Variants in PDE11A observed in about 807,000 individuals in gnomAD.
PDE11A encodes the protein phosphodiesterase 11A.
In PDE11A, 100 loss-of-function variants were observed where a neutral mutation model predicts 100.5. The ratio of observed to expected loss-of-function variants is 1.00; its 90% CI spans 0.85 to 1.18. The LOEUF (loss-of-function observed/expected upper bound fraction) is 1.18, where lower values mean the gene tolerates loss of function less well. PDE11A is among the 50% of genes most tolerant of loss of function. The pLI, the probability that PDE11A is intolerant of heterozygous loss-of-function variation, is 0.00. For synonymous variants in PDE11A, 381 were observed against 420.8 expected (o/e 0.91, Z 1.16); for missense variants, 1,141 against 1,152.6 (o/e 0.99, Z 0.15).
chr2:177,848,908 C>T (rs895607817), intron 5 of PDE11A, among the ~76,000 whole-genome samples: 3 of 152,140 alleles, frequency 2.0e-5, no homozygotes, highest in Admixed American at 1.3e-4. Context: ...TTCAGCATTA[C>T]TTTTCCAAAA....
chr2:177,692,689 C>G (rs906895499), intron 15 of PDE11A, among the ~76,000 whole-genome samples: 1 of 152,210 alleles, frequency 6.6e-6, no homozygotes, highest in Non-Finnish European at 1.5e-5. Context: ...CATTAACCCC[C>G]AGGCTCAGGT....
At chr2:177,703,993 A>G (rs1228853946) in intron 13 of PDE11A, among the ~76,000 whole-genome samples, 3 of 152,124 alleles carry the variant, frequency 2.0e-5, no homozygotes, top group African/African-American at 7.2e-5. Flanking sequence ...TTGTAATTCC[A>G]TCTTACTTTC....
Position 177,877,252 on chromosome 2 carries a change from C to T in PDE11A, c.1303-1329G>A, listed in dbSNP as rs773059148. 2.1e-5 allele frequency among the ~76,000 whole-genome samples: 3 copies of T among 145,568 alleles called. 1 individual carries two copies. The highest frequency in any genetic ancestry group is 4.5e-5 in the Non-Finnish European group (3 of 66,600). On this transcript the variant is annotated intron_variant, in intron 4 of 19. Coordinates refer to ENST00000286063, the MANE Select transcript of PDE11A (RefSeq NM_016953.4). ...CAATCTCGGCTCATTGCAGCCTCCG[C>T]CTCCCGGGTTCAAGTAATTCTCCCA...
intron 4 of PDE11A, among the ~76,000 whole-genome samples, chr2:177,884,932 T>C (rs1333589527): frequency 2.0e-5 from 3 of 152,186 alleles, no homozygotes; most frequent in African/African-American, 7.2e-5. Flanking sequence ...CTACAGTTTT[T>C]AGCTTGAGTT....
At chr2:177,655,889 C>A (rs1322658090) in intron 19 of PDE11A, among the ~76,000 whole-genome samples, 1 of 152,196 alleles carries the variant, frequency 6.6e-6, no homozygotes, top group Admixed American at 6.5e-5. Context: ...TGAAATCTAT[C>A]TGTGACATAT....
chr2:177,682,943 T>C (rs1379735810), intron 15 of PDE11A, among the ~76,000 whole-genome samples: 1 of 120,746 alleles, frequency 8.3e-6, no homozygotes, highest in African/African-American at 3.6e-5. Context: ...ATCAGACATA[T>C]TTGGAAAATA....
intron 1 of PDE11A, among the ~76,000 whole-genome samples, chr2:178,105,423 C>T (rs2087606670): frequency 6.6e-6 from 1 of 152,168 alleles, no homozygotes; most frequent in South Asian, 2.1e-4. Context: ...TGCGCCACTG[C>T]ACTCCAGCCT....
At chr2:177,867,467 C>T (rs1174305080) in intron 5 of PDE11A, among the ~76,000 whole-genome samples, 3 of 152,082 alleles carry the variant, frequency 2.0e-5, no homozygotes, top group Non-Finnish European at 4.4e-5. Flanking sequence ...AGGTGGCTGA[C>T]GCCTGTAATT....
intron 4 of PDE11A, among the ~76,000 whole-genome samples, chr2:177,880,214 C>T (rs1181683085): frequency 2.0e-5 from 3 of 152,162 alleles, no homozygotes; most frequent in African/African-American, 7.2e-5. Flanking sequence ...GATTAATGTG[C>T]AAAGAGTAAC....
chr2:178,074,521 T>G (rs985412769), upstream of PDE11A, among the ~76,000 whole-genome samples: 1 of 152,018 alleles, frequency 6.6e-6, no homozygotes, highest in African/African-American at 2.4e-5. Flanking sequence ...CTCAGGGAAG[T>G]GAGAGAAGTA....
chr2:177,629,101 C>T lies in PDE11A; in HGVS notation c.*306G>A, dbSNP rs949463815. On this transcript the variant is annotated 3_prime_UTR_variant, in exon 20 of 20. Coordinates refer to ENST00000286063, the MANE Select transcript of PDE11A (RefSeq NM_016953.4). ...GTTCCCTCAGCTCAGAGTAAGTAGG[C>T]CGACTGTCCACAGGTCCTTGGATCC... The T allele has an allele frequency of 4.7e-6, 2 of 427,044 alleles. No homozygotes were observed. The highest frequency in any genetic ancestry group is 7.1e-5 in the Admixed American group (2 of 28,004). The allele number at this position is 427,044 out of a possible 1,614,324, so 26.5% of individuals were successfully genotyped here.
chr2:177,862,387 C>T (rs1026893067), intron 5 of PDE11A, among the ~76,000 whole-genome samples: 1 of 151,754 alleles, frequency 6.6e-6, no homozygotes, highest in Admixed American at 6.6e-5. Flanking sequence ...AGTATACTTA[C>T]TGCAATGAAG....
chr2:177,689,721 C>A (rs1012929893), intron 15 of PDE11A, among the ~76,000 whole-genome samples: 1 of 152,208 alleles, frequency 6.6e-6, no homozygotes, highest in Non-Finnish European at 1.5e-5. Context: ...GAGTGAATGA[C>A]TTGTTTGATG....
chr2:178,030,986 T>A (rs963471766), intron 1 of PDE11A, among the ~76,000 whole-genome samples: 1 of 152,312 alleles, frequency 6.6e-6, no homozygotes, highest in Non-Finnish European at 1.5e-5. Context: ...TCACTTTTTA[T>A]AACCAAGTTG....
At chr2:177,703,598 C>T (rs1277890587) in intron 13 of PDE11A, among the ~76,000 whole-genome samples, 2 of 152,172 alleles carry the variant, frequency 1.3e-5, no homozygotes, top group African/African-American at 4.8e-5. Context: ...CAGCCATGCT[C>T]ACATGCACCT....
intron 1 of PDE11A, among the ~76,000 whole-genome samples, chr2:178,059,280 A>AT (rs2086937844): frequency 6.6e-6 from 1 of 152,078 alleles, no homozygotes; most frequent in Admixed American, 6.6e-5. Context: ...GGGTATGGGG[A>AT]GAGTCAGTGT....
In PDE11A at chr2:177,849,936, T is replaced by C. The variant is rs186305027; in HGVS notation, c.1368-9553A>G. Among the ~76,000 whole-genome samples the C allele has an allele frequency of 1.4e-3, 206 of 152,206 alleles. 2 individuals are homozygous for C. In the Middle Eastern group the frequency reaches 0.017, roughly 13 times the overall value. Reference sequence around the variant, plus strand: ...CATGCTCAAGGATAGGAAGAATCAATATTGTGAAAATGGCCATACTGCCCA... The same window carrying C: ...CATGCTCAAGGATAGGAAGAATCAACATTGTGAAAATGGCCATACTGCCCA... On this transcript the variant is annotated intron_variant, in intron 5 of 19. Transcript: ENST00000286063.
chr2:177,783,050 C>T (rs2082475869), intron 9 of PDE11A, among the ~76,000 whole-genome samples: 1 of 152,224 alleles, frequency 6.6e-6, no homozygotes, highest in South Asian at 2.1e-4. Flanking sequence ...CGTACAGTCT[C>T]AGCCTTTACT....
chr2:177,696,101 A>G (rs551410703), intron 15 of PDE11A, among the ~76,000 whole-genome samples: 3 of 152,192 alleles, frequency 2.0e-5, no homozygotes, highest in Non-Finnish European at 4.4e-5. Flanking sequence ...GGTAAGAATG[A>G]AAAAAGGTTG....
Sources: allele counts gnomAD v4.1 joint callset (sites outside exome capture counted in the v4.1 genomes callset), GRCh38; gene constraint gnomAD v4.1.1; transcripts MANE v1.5; gene names NCBI Gene and HGNC (gene_info 2026-07-23, HGNC 2026-07-21).